The following CIB4 variants were observed in gnomAD, a reference collection of about 807,000 sequenced individuals.
The protein encoded by CIB4 is calcium and integrin binding family member 4, also known as calcium and integrin-binding family member 4.
In CIB4, 25 loss-of-function variants were observed where a neutral mutation model predicts 25.8. The observed-to-expected ratio is 0.97, with a 90% CI of 0.71 to 1.35. The LOEUF (loss-of-function observed/expected upper bound fraction) is 1.35, where lower values mean the gene tolerates loss of function less well. CIB4 is among the 40% of genes most tolerant of loss of function. The pLI, the probability that CIB4 is intolerant of heterozygous loss-of-function variation, is 0.00. For synonymous variants in CIB4, 75 were observed against 81.4 expected, an observed-to-expected ratio of 0.92 and a Z score of 0.42; for missense variants, 235 against 228.2, an observed-to-expected ratio of 1.03 and a Z score of -0.19.
intron 3 of CIB4, among the ~76,000 whole-genome samples, chr2:26,625,689 C>T (rs1417570267): frequency 2.6e-5 from 4 of 152,228 alleles, no homozygotes; most frequent in African/African-American, 9.6e-5. Flanking sequence ...GCTTCCCACC[C>T]GGACTTGCAC....
chr2:26,623,062 G>A (rs1669235534), intron 3 of CIB4, among the ~76,000 whole-genome samples: 1 of 151,910 alleles, frequency 6.6e-6, no homozygotes, highest in Non-Finnish European at 1.5e-5. Context: ...TAAAAATTAA[G>A]GCTAGGTATG....
At chr2:26,606,905 G>A (rs772711742) in intron 3 of CIB4, among the ~76,000 whole-genome samples, 7 of 152,154 alleles carry the variant, frequency 4.6e-5, no homozygotes, top group East Asian at 3.8e-4. Flanking sequence ...AGCTGGAGGC[G>A]GATCGCTAAT....
At chr2:26,628,159 A>G (rs919054320) in intron 3 of CIB4, among the ~76,000 whole-genome samples, 2 of 152,240 alleles carry the variant, frequency 1.3e-5, no homozygotes, top group African/African-American at 4.8e-5. Context: ...CAATGCACAA[A>G]TTTTAATTAA....
intron 6 of CIB4, among the ~76,000 whole-genome samples, chr2:26,582,005 C>G (rs957830304): frequency 6.6e-6 from 1 of 152,232 alleles, no homozygotes; most frequent in African/African-American, 2.4e-5. Flanking sequence ...AAAGCGGAGA[C>G]AGCTGGTGCA....
chr2:26,598,299 C>CAA (rs1296318429), intron 3 of CIB4, among the ~76,000 whole-genome samples: 1 of 120,472 alleles, frequency 8.3e-6, no homozygotes. Context: ...GACTCCATCT[C>CAA]AAAAAAAAAA....
chr2:26,588,999 C>CT (rs1668512846), intron 4 of CIB4, among the ~76,000 whole-genome samples: 1 of 10,646 alleles, frequency 9.4e-5, no homozygotes, highest in Non-Finnish European at 2.0e-4. Flanking sequence ...TCTTCTTCTT[C>CT]TTCTTCTTCT....
intron 3 of CIB4, among the ~76,000 whole-genome samples, chr2:26,596,713 C>T (rs964585274): frequency 1.3e-5 from 2 of 150,994 alleles, no homozygotes; most frequent in Non-Finnish European, 1.5e-5. Flanking sequence ...CGCCATTGCC[C>T]TCCAGCCTGG....
At chr2:26,590,766 A>G (rs1148958) in intron 4 of CIB4, among the ~76,000 whole-genome samples, 150,468 of 152,310 alleles carry the variant, frequency 0.99, 74,354 homozygotes, top group Middle Eastern at 1. Context: ...TGAGCCCCTG[A>G]GCATCTATTT....
intron 3 of CIB4, among the ~76,000 whole-genome samples, chr2:26,607,759 C>G (rs747738111): frequency 1.3e-5 from 2 of 152,232 alleles, no homozygotes; most frequent in Non-Finnish European, 2.9e-5. Flanking sequence ...TAGAGCTGTT[C>G]ATTTTGAGCT....
At chr2:26,616,559 C>A (rs899300413) in intron 3 of CIB4, among the ~76,000 whole-genome samples, 1 of 152,134 alleles carries the variant, frequency 6.6e-6, no homozygotes, top group African/African-American at 2.4e-5. Flanking sequence ...CACAGGAGCC[C>A]GAGAAGCTGG....
chr2:26,595,875 A>G (rs1426167204), intron 3 of CIB4, among the ~76,000 whole-genome samples: 4 of 151,472 alleles, frequency 2.6e-5, no homozygotes, highest in South Asian at 2.1e-4. Flanking sequence ...CCTTAGATCC[A>G]TGTCACATGA....
In CIB4 at chr2:26,640,454, C is replaced by T. The variant is rs1233456865; in HGVS notation, c.89+79G>A. On this transcript the variant is annotated intron_variant, in intron 2 of 6. Coordinates refer to ENST00000288861, the MANE Select transcript of CIB4 (RefSeq NM_001029881.3). ...AGCAGGGACCACACTCAGGGACCAG[C>T]GTGAGGCTGTATTAGGGCAAGAATC... 1.4e-5 allele frequency: 21 copies of T among 1,455,378 alleles called. No homozygotes were observed. In the East Asian group the frequency reaches 2.8e-4, roughly 19 times the overall value. The allele number at this position is 1,455,378 out of a possible 1,614,324, so 90.2% of individuals were successfully genotyped here. A position where few individuals can be genotyped will look rare whatever the true frequency, so the allele number is the denominator to read the frequency against.
intron 2 of CIB4, among the ~76,000 whole-genome samples, chr2:26,629,764 G>A (rs970592197): frequency 6.6e-6 from 1 of 152,196 alleles, no homozygotes; most frequent in East Asian, 1.9e-4. Flanking sequence ...GATGAGCCAG[G>A]TGAGAGGAAA....
At position 26,584,761 on chromosome 2, in the gene CIB4, T is replaced by C. The variant is rs60461957; in HGVS notation, c.329-863A>G. 3.6e-3 allele frequency among the ~76,000 whole-genome samples: 544 copies of C among 152,274 alleles called. 6 individuals are homozygous for C. The highest frequency in any genetic ancestry group is 0.011 in the African/African-American group (452 of 41,568). On this transcript the variant is annotated intron_variant, in intron 4 of 6. Coordinates refer to ENST00000288861, the MANE Select transcript of CIB4 (RefSeq NM_001029881.3). ...TGTAAAATAACCCAGGATGCTGCCGTGGCCCTGGTGTGCACAGAGGGTTCC... is the reference window on the plus strand; with the variant it reads ...TGTAAAATAACCCAGGATGCTGCCGCGGCCCTGGTGTGCACAGAGGGTTCC...
intron 3 of CIB4, among the ~76,000 whole-genome samples, chr2:26,607,066 C>T (rs563672270): frequency 3.9e-5 from 6 of 152,278 alleles, no homozygotes; most frequent in South Asian, 2.1e-4. Context: ...GGAAACTTCC[C>T]AAAGAGCCAT....
chr2:26,586,131 C>T (rs1319599951), intron 4 of CIB4, among the ~76,000 whole-genome samples: 3 of 152,216 alleles, frequency 2.0e-5, no homozygotes, highest in Non-Finnish European at 4.4e-5. Flanking sequence ...TCTCTGCCCC[C>T]GGAAGTCTAT....
At chr2:26,608,106 C>A (rs950176134) in intron 3 of CIB4, among the ~76,000 whole-genome samples, 1 of 152,150 alleles carries the variant, frequency 6.6e-6, no homozygotes, top group Admixed American at 6.5e-5. Flanking sequence ...AGCTTGGTGG[C>A]GCATGCCTGT....
rs560412966 is a variant in CIB4 at position 26,595,646 on chromosome 2, T to A, written c.187-329A>T. Among the ~76,000 whole-genome samples, 12 of 152,350 alleles carry A rather than the reference T, an allele frequency of 7.9e-5. No homozygotes were observed. In the South Asian group the frequency reaches 2.1e-3, roughly 26 times the overall value. ...TACTCTAAATACGAGTCCTTCTCTA[T>A]GAGGTAGAAATCATGAGCATCCAGG... On this transcript the variant is annotated intron_variant, in intron 3 of 6. Transcript: ENST00000288861.
chr2:26,607,327 G>A (rs1009975041), intron 3 of CIB4, among the ~76,000 whole-genome samples: 6 of 152,002 alleles, frequency 3.9e-5, no homozygotes, highest in Non-Finnish European at 5.9e-5. Flanking sequence ...CAACTTGCCC[G>A]AGCAAAAAAG....
Sources: gnomAD v4.1 joint callset for allele counts (sites outside exome capture counted in the v4.1 genomes callset) on GRCh38, gnomAD v4.1.1 for gene constraint, MANE v1.5 for transcripts, NCBI Gene and HGNC (gene_info 2026-07-23, HGNC 2026-07-21) for gene names.